The following PKN2 variants were observed in gnomAD, a reference collection of about 807,000 sequenced individuals.
PKN2 encodes the protein serine/threonine-protein kinase N2.
Under a neutral mutation model 119.1 loss-of-function variants are expected in PKN2, and 38 were observed. That is an observed-to-expected ratio of 0.32 (90% confidence interval 0.25 to 0.42). The LOEUF (loss-of-function observed/expected upper bound fraction) is 0.42. Ranked by LOEUF, PKN2 falls within the 10% of genes least tolerant of loss-of-function variation. The pLI, the probability that PKN2 is intolerant of heterozygous loss-of-function variation, is 1.00. For missense variants in PKN2, 850 were observed against 1,165.1 expected, an observed-to-expected ratio of 0.73 and a Z score of 3.94; for synonymous variants, 390 against 384.9, an observed-to-expected ratio of 1.01 and a Z score of -0.15.
intron 19 of PKN2, among the ~76,000 whole-genome samples, chr1:88,831,828 G>A (rs1672742139): frequency 6.6e-6 from 1 of 152,010 alleles, no homozygotes; most frequent in Non-Finnish European, 1.5e-5. Context: ...GGAATTAAAT[G>A]ATATTTAGAC....
intron 1 of PKN2, among the ~76,000 whole-genome samples, chr1:88,689,584 G>T (rs527254132): frequency 2.6e-5 from 4 of 152,284 alleles, no homozygotes; most frequent in African/African-American, 9.6e-5. Flanking sequence ...GCTGAGACAG[G>T]CGGATCACCT....
intron 6 of PKN2, among the ~76,000 whole-genome samples, chr1:88,780,285 A>G (rs1422083774): frequency 6.6e-6 from 1 of 152,172 alleles, no homozygotes; most frequent in African/African-American, 2.4e-5. Flanking sequence ...ATCATATCCT[A>G]TGTTTGGACC....
chr1:88,741,329 TAAA>T, intron 2 of PKN2, 41 bp downstream of exon 2: 5 of 1,241,340 alleles, frequency 4.0e-6, no homozygotes, highest in Non-Finnish European at 5.4e-6. Flanking sequence ...GGTATATTAA[TAAA>T]AAAAATGTAT....
At chr1:88,785,253 T>A (rs1030812053) in intron 7 of PKN2, among the ~76,000 whole-genome samples, 1 of 152,148 alleles carries the variant, frequency 6.6e-6, no homozygotes, top group African/African-American at 2.4e-5. Flanking sequence ...CTCAGCATCC[T>A]AAGTAGCTGG....
intron 8 of PKN2, among the ~76,000 whole-genome samples, chr1:88,803,458 G>A (rs1006882077): frequency 6.6e-6 from 1 of 152,040 alleles, no homozygotes; most frequent in Non-Finnish European, 1.5e-5. Context: ...ATCTCTTTTT[G>A]TGGATGGTGT....
At chr1:88,822,171 A>G (rs974185881) in intron 17 of PKN2, among the ~76,000 whole-genome samples, 168 bp downstream of exon 17, 9 of 152,218 alleles carry the variant, frequency 5.9e-5, no homozygotes, top group Non-Finnish European at 1.3e-4. Flanking sequence ...CTATGATTAT[A>G]TGATGAACTT....
chr1:88,699,694 T>G (rs541102976), intron 1 of PKN2, among the ~76,000 whole-genome samples: 1 of 152,324 alleles, frequency 6.6e-6, no homozygotes, highest in South Asian at 2.1e-4. Context: ...TTTTTGTTCT[T>G]GCTTTAGTTT....
intron 9 of PKN2, 140 bp downstream of exon 9, chr1:88,804,674 A>G (rs1436616202): frequency 1.2e-6 from 1 of 859,524 alleles, no homozygotes; most frequent in Non-Finnish European, 1.8e-6. Context: ...CTGAATAGGT[A>G]TGTGACTTTG....
chr1:88,764,346 A>G (rs1234776596), intron 3 of PKN2, among the ~76,000 whole-genome samples: 1 of 152,122 alleles, frequency 6.6e-6, no homozygotes, highest in Non-Finnish European at 1.5e-5. Flanking sequence ...GCTCTTCACT[A>G]CTATCCTAAG....
rs786912 is a variant in PKN2, at chr1:88,835,440, C to T, written c.*1992C>T. The stretch of plus-strand genomic sequence containing the variant: ...TTAGCATTAAAAACTGACAGCATTT[C>T]GTAACTACACAGTGTACAGAATTTT... On this transcript the variant is annotated 3_prime_UTR_variant, in exon 22 of 22. Coordinates refer to ENST00000370521, the MANE Select transcript of PKN2 (RefSeq NM_006256.4). 0.71 allele frequency: 108,607 copies of T among 152,198 alleles called. 39,756 individuals are homozygous for T. Among genetic ancestry groups the T allele is most frequent in the African/African-American group, 0.88 (36,588 of 41,506 alleles). The allele number at this position is 152,198 out of a possible 1,614,324, so 9.4% of individuals were successfully genotyped here.
At chr1:88,795,863 G>A (rs551970102) in intron 8 of PKN2, among the ~76,000 whole-genome samples, 1 of 152,292 alleles carries the variant, frequency 6.6e-6, no homozygotes, top group South Asian at 2.1e-4. Context: ...ATTGACTTAT[G>A]TACTGGAGTT....
chr1:88,744,409 T>C (rs1668688858), intron 2 of PKN2, among the ~76,000 whole-genome samples: 1 of 152,206 alleles, frequency 6.6e-6, no homozygotes, highest in Non-Finnish European at 1.5e-5. Context: ...GTCTAAGTGG[T>C]TAGGGGACTT....
In PKN2 at chr1:88,833,121, A is replaced by C. The variant is rs750215404; in HGVS notation, c.2715A>C (p.Lys905Asn). 6.2e-7 allele frequency: 1 copy of C among 1,613,144 alleles called. No individual in the cohort carries two copies. The highest frequency in any genetic ancestry group is 8.5e-7 in the Non-Finnish European group (1 of 1,179,470). The stretch of plus-strand genomic sequence containing the variant: ...AACGGCGCCTTGGGGCTAGCGAGAA[A>C]GATGCAGAGGATGTAAAAAAGCACC... ...NPERRLGASE[K>N]DAEDVKKHPF... The change falls in exon 21 of 22, where the codon AAA becomes AAC. Residue 905 changes from lysine (K) to asparagine (N), a missense_variant. Transcript: ENST00000370521.
chr1:88,798,629 AAAAGATTAAGAGATGAAAAATATGAAAG>A (rs1234377275), intron 8 of PKN2, among the ~76,000 whole-genome samples: 1 of 152,156 alleles, frequency 6.6e-6, no homozygotes, highest in Non-Finnish European at 1.5e-5. Flanking sequence ...ATACAACACA[AAAAGATTAAGAGATGAAAAATATGAAAG>A]AAAGATTAAG....
chr1:88,771,597 T>A (rs1669897061), intron 5 of PKN2, 31 bp downstream of exon 5: 3 of 1,565,374 alleles, frequency 1.9e-6, no homozygotes, highest in Non-Finnish European at 2.6e-6. Flanking sequence ...TTATTTGGTT[T>A]AATAAATACA....
At chr1:88,709,652 A>AT (rs1353634879) in intron 1 of PKN2, among the ~76,000 whole-genome samples, 1 of 152,256 alleles carries the variant, frequency 6.6e-6, no homozygotes, top group Non-Finnish European at 1.5e-5. Flanking sequence ...GAGTAAAAAT[A>AT]TACAGGTTAA....
At chr1:88,770,208 C>G in intron 3 of PKN2, 144 bp from the exon 4 acceptor site, 1 of 515,244 alleles carries the variant, frequency 1.9e-6, no homozygotes, top group Non-Finnish European at 3.5e-6. Flanking sequence ...GTAAATGTAT[C>G]TATAAGATAT....
chr1:88,777,332 A>C (rs1024226263), intron 6 of PKN2, among the ~76,000 whole-genome samples: 1 of 151,894 alleles, frequency 6.6e-6, no homozygotes, highest in African/African-American at 2.4e-5. Context: ...ATATTTGTCC[A>C]TGGTTTCTTT....
chr1:88,788,997 G>C (rs1054733421), intron 8 of PKN2, among the ~76,000 whole-genome samples: 1 of 152,100 alleles, frequency 6.6e-6, no homozygotes, highest in Non-Finnish European at 1.5e-5. Flanking sequence ...CATAGTAGTA[G>C]AAGTTCTTTA....
Sources: gnomAD v4.1 joint callset for allele counts (sites outside exome capture counted in the v4.1 genomes callset) on GRCh38, gnomAD v4.1.1 for gene constraint, MANE v1.5 for transcripts, NCBI Gene and HGNC (gene_info 2026-07-23, HGNC 2026-07-21) for gene names.